Variants in C16orf95 observed in about 807,000 individuals in gnomAD.
C16orf95 encodes the protein chromosome 16 open reading frame 95.
A neutral mutation model predicts 32.1 loss-of-function variants in C16orf95; 41 were observed. The ratio of observed to expected loss-of-function variants is 1.28; its 90% CI spans 1.00 to 1.66. The LOEUF (loss-of-function observed/expected upper bound fraction) is 1.66. Ranked by LOEUF, C16orf95 falls within the 40% of genes most tolerant of loss-of-function variation. C16orf95 has a pLI of 0.00. For synonymous variants in C16orf95, 147 were observed against 128.9 expected (o/e 1.14, Z -0.95); for missense variants, 399 against 325.9 (o/e 1.22, Z -1.73).
At position 87,312,533 on chromosome 16, in the gene C16orf95, C is replaced by T. The variant is rs149441440; in HGVS notation, c.331-1237G>A. On this transcript the variant is annotated intron_variant, in intron 3 of 6. Coordinates refer to ENST00000567970, the MANE Select transcript of C16orf95 (RefSeq NM_001195124.3). The stretch of plus-strand genomic sequence containing the variant: ...GCAGTGAGCCGAAATCATGCCACTG[C>T]ACTCCAGCCTGAGCAGCAGAGTGAG... Among the ~76,000 whole-genome samples, 256 of 142,006 alleles carry T rather than the reference C, an allele frequency of 1.8e-3. 1 individual carries two copies. Among genetic ancestry groups the T allele is most frequent in the African/African-American group, 6.3e-3 (241 of 38,118 alleles). The allele number at this position is 142,006 out of a possible 152,430, so 93.2% of individuals were successfully genotyped here. A position where few individuals can be genotyped will look rare whatever the true frequency, so the allele number is the denominator to read the frequency against.
intron 4 of C16orf95, among the ~76,000 whole-genome samples, chr16:87,310,609 G>A (rs997721168): frequency 9.8e-5 from 15 of 152,350 alleles, no homozygotes; most frequent in African/African-American, 1.9e-4. Context: ...CAGGGGGCTA[G>A]GAAGAGACCT....
Position 87,315,759 on chromosome 16 carries a change from T to G in C16orf95, c.204+13A>C. On this transcript the variant is annotated intron_variant, in intron 2 of 6. Transcript: ENST00000567970. ...GGGGTCAGGGCCAGTGGCTGAGGAT[T>G]TGCTTTCCTTACCGAATGACGGGGG... 1.3e-6 allele frequency: 2 copies of G among 1,526,484 alleles called. No individual in the cohort carries two copies. The highest frequency in any genetic ancestry group is 1.8e-6 in the Non-Finnish European group (2 of 1,141,738). The allele number at this position is 1,526,484 out of a possible 1,614,324, so 94.6% of individuals were successfully genotyped here. A position where few individuals can be genotyped will look rare whatever the true frequency, so the allele number is the denominator to read the frequency against.
intron 2 of C16orf95, among the ~76,000 whole-genome samples, chr16:87,315,312 G>A (rs1904310847): frequency 6.6e-6 from 1 of 152,196 alleles, no homozygotes; most frequent in Non-Finnish European, 1.5e-5. Flanking sequence ...TGCAAATCAG[G>A]TGCGCTGGGA....
chr16:87,311,058 G>A lies in C16orf95; in HGVS notation c.477+92C>T, dbSNP rs774079248. Reference sequence around the variant, plus strand: ...AGGCCTTTGTGGGAGCAGAGCCCAGGTACCCCTCTTCCCCTTCTTCCTCCC... The same window carrying A: ...AGGCCTTTGTGGGAGCAGAGCCCAGATACCCCTCTTCCCCTTCTTCCTCCC... On this transcript the variant is annotated intron_variant, in intron 4 of 6. Transcript: ENST00000567970. 5 of 1,229,940 alleles carry A rather than the reference G, an allele frequency of 4.1e-6. No individual in the cohort carries two copies. The Admixed American group carries it at 1.1e-4, about 27-fold the overall frequency. The allele number at this position is 1,229,940 out of a possible 1,614,324, so 76.2% of individuals were successfully genotyped here.
chr16:87,311,218 G>A lies in C16orf95; in HGVS notation c.409C>T (p.Leu137Phe), dbSNP rs1314867007. The A allele has an allele frequency of 2.6e-6, 4 of 1,535,930 alleles. No homozygotes were observed. The highest frequency in any genetic ancestry group is 2.7e-5 in the African/African-American group (2 of 73,182). Residue 137 changes from leucine to phenylalanine, a missense_variant, in exon 4 of 7, where the codon CTC (leucine) becomes TTC (phenylalanine). Transcript: ENST00000567970. ...ACTGCCTGGTCCCTAGGCATCGGGAGGCGGCCCCCAAAGCGGTGGCATAGG... is the reference window on the plus strand; with the variant it reads ...ACTGCCTGGTCCCTAGGCATCGGGAAGCGGCCCCCAAAGCGGTGGCATAGG... ...PCLCHRFGGR[L>F]PMPRDQAVMP...
At chr16:87,315,460 G>A (rs1163956786) in intron 2 of C16orf95, among the ~76,000 whole-genome samples, 1 of 152,232 alleles carries the variant, frequency 6.6e-6, no homozygotes, top group Admixed American at 6.5e-5. Context: ...TGGTGTGCAA[G>A]AGCTTCCACA....
At chr16:87,311,090 C>G (rs1278766322) in intron 4 of C16orf95, 60 bp downstream of exon 4, 254 of 1,392,244 alleles carry the variant, frequency 1.8e-4, no homozygotes, top group Non-Finnish European at 2.2e-4. Flanking sequence ...TCCCATCTCC[C>G]CTTCCCCCGG....
Position 87,305,206 on chromosome 16 carries a change from G to A in C16orf95, c.701+513C>T, listed in dbSNP as rs1390121942. The stretch of plus-strand genomic sequence containing the variant: ...GAAAGCCATGGCTGTGGGCAGCAAG[G>A]GTGCCAGGGGCGAAACTCGAAGCCT... On this transcript the variant is annotated intron_variant, in intron 6 of 6. Transcript: ENST00000567970. The surrounding 1 kb of genome is among the most constrained non-coding windows in gnomAD (Gnocchi z 4.2). Among the ~76,000 whole-genome samples, 1 of 152,162 alleles carries A rather than the reference G, an allele frequency of 6.6e-6. No homozygotes were observed. The highest frequency in any genetic ancestry group is 1.5e-5 in the Non-Finnish European group (1 of 68,030).
chr16:87,314,273 T>C (rs930962111), intron 3 of C16orf95, among the ~76,000 whole-genome samples: 2 of 152,334 alleles, frequency 1.3e-5, no homozygotes, highest in South Asian at 4.1e-4. Context: ...CCAAATGTCC[T>C]TCTGGGCGAA....
intron 6 of C16orf95, 188 bp from the exon 7 acceptor site, chr16:87,303,263 C>T (rs1460284501): frequency 1.5e-5 from 9 of 592,384 alleles, no homozygotes; most frequent in African/African-American, 3.7e-5. Flanking sequence ...GGCCATATCG[C>T]TTTCCAGCCG....
intron 5 of C16orf95, among the ~76,000 whole-genome samples, chr16:87,306,308 T>C (rs1381935252): frequency 6.6e-6 from 1 of 152,122 alleles, no homozygotes. Flanking sequence ...CTTCGGGGTA[T>C]ATTTGAAATT....
chr16:87,302,938 G>A lies in C16orf95; in HGVS notation c.*119C>T. ...ATCATTTGGGTTGAATCCTGGGTGT[G>A]GATTCTGTTCTGAGAAGACAGCGAC... On this transcript the variant is annotated 3_prime_UTR_variant, in exon 7 of 7. Transcript: ENST00000567970. 9.5e-7 allele frequency: 1 copy of A among 1,050,978 alleles called. No individual in the cohort carries two copies. The highest frequency in any genetic ancestry group is 1.4e-5 in the South Asian group (1 of 73,652). The allele number at this position is 1,050,978 out of a possible 1,614,324, so 65.1% of individuals were successfully genotyped here. A position where few individuals can be genotyped will look rare whatever the true frequency, so the allele number is the denominator to read the frequency against.
chr16:87,308,596 C>T (rs962947533), intron 5 of C16orf95, among the ~76,000 whole-genome samples: 1 of 152,188 alleles, frequency 6.6e-6, no homozygotes, highest in African/African-American at 2.4e-5. Flanking sequence ...AAACTGTTGC[C>T]GTGACCTCTG....
At position 87,305,841 on chromosome 16, in the gene C16orf95, C is replaced by A; in HGVS notation, c.579G>T (p.Leu193Phe). Residue 193 changes from leucine to phenylalanine, a missense_variant, in exon 6 of 7, where the codon TTG (leucine) becomes TTT (phenylalanine). Coordinates refer to ENST00000567970, the MANE Select transcript of C16orf95 (RefSeq NM_001195124.3). This position sits in a 1 kb window ranked among gnomAD's most constrained non-coding sequence, Gnocchi z 4.2. ...CWRICGDECL[L>F]SKFQQLQAPY... ...GGGCCTGGAGCTGCTGGAACTTGGA[C>A]AACAGGCACTCATCACCGCAGATCC... 1 of 1,485,324 alleles carries A rather than the reference C, an allele frequency of 6.7e-7. No homozygotes were observed. The highest frequency in any genetic ancestry group is 8.9e-7 in the Non-Finnish European group (1 of 1,124,014). 92.0% of individuals were successfully genotyped at this position (1,485,324 alleles called of 1,614,324 possible).
At chr16:87,311,938 C>T (rs904597729) in intron 3 of C16orf95, among the ~76,000 whole-genome samples, 1 of 152,124 alleles carries the variant, frequency 6.6e-6, no homozygotes, top group African/African-American at 2.4e-5. Flanking sequence ...ACAGAGCTGT[C>T]CGGACTGACA....
rs143001109 is a variant in C16orf95, at chr16:87,307,796, C to A, written c.515-1891G>T. On this transcript the variant is annotated intron_variant, in intron 5 of 6. Transcript: ENST00000567970. The stretch of plus-strand genomic sequence containing the variant: ...AATAAAAATAAAAAATAAAAAATAT[C>A]AACTTTGTTTCTCAACATAAGCTCT... Among the ~76,000 whole-genome samples, 476 of 152,170 alleles carry A rather than the reference C, an allele frequency of 3.1e-3. 2 individuals are homozygous for A. The highest frequency in any genetic ancestry group is 0.01 in the African/African-American group (433 of 41,528).
intron 5 of C16orf95, among the ~76,000 whole-genome samples, chr16:87,307,214 G>A (rs1188211261): frequency 6.6e-6 from 1 of 152,074 alleles, no homozygotes; most frequent in African/African-American, 2.4e-5. Flanking sequence ...ACACAGACAC[G>A]GCAGCCCTCC....
At chr16:87,311,822 T>C (rs1224298819) in intron 3 of C16orf95, among the ~76,000 whole-genome samples, 1 of 152,248 alleles carries the variant, frequency 6.6e-6, no homozygotes, top group Non-Finnish European at 1.5e-5. Flanking sequence ...GAAATATTTG[T>C]TGCACCATTG....
At chr16:87,314,845 T>A in intron 3 of C16orf95, 126 bp downstream of exon 3, 1 of 898,004 alleles carries the variant, frequency 1.1e-6, no homozygotes, top group South Asian at 1.9e-5. Context: ...AAATAAATAA[T>A]ATCAAACTGT....
Sources: allele counts gnomAD v4.1 joint callset (sites outside exome capture counted in the v4.1 genomes callset), GRCh38; gene constraint gnomAD v4.1.1; non-coding constraint Gnocchi (gnomAD v3.1); transcripts MANE v1.5; gene names NCBI Gene and HGNC (gene_info 2026-07-23, HGNC 2026-07-21).